FAT3: variants seen among roughly 807,000 people sequenced by gnomAD.
The protein encoded by FAT3 is FAT atypical cadherin 3.
FAT3 carries 95 observed loss-of-function variants against 310.2 expected under a neutral mutation model. That is an observed-to-expected ratio of 0.31 (90% CI 0.26 to 0.36). The LOEUF is 0.36. FAT3 is among the 10% of genes least tolerant of loss of function. The probability of loss-of-function intolerance (pLI) is 1.00; values close to 1 mark genes in which losing one functional copy is unlikely to be tolerated. For synonymous variants in FAT3, 2,314 were observed against 2,192.9 expected (o/e 1.06, Z -1.54); for missense variants, 5,408 against 5,715.6 (o/e 0.95, Z 1.74).
chr11:92,438,043 A>G (rs1440773456), intron 2 of FAT3, among the ~76,000 whole-genome samples: 1 of 152,214 alleles, frequency 6.6e-6, no homozygotes, highest in East Asian at 1.9e-4. Context: ...GAAAACTTGA[A>G]AATGTGCCTG....
intron 13 of FAT3, among the ~76,000 whole-genome samples, chr11:92,818,413 A>T (rs1947878367): frequency 6.6e-6 from 1 of 152,194 alleles, no homozygotes; most frequent in Non-Finnish European, 1.5e-5. Context: ...CATCTGGAAG[A>T]AACTGGCTCT....
At chr11:92,531,816 A>G (rs775975617) in intron 3 of FAT3, among the ~76,000 whole-genome samples, 15 of 151,910 alleles carry the variant, frequency 9.9e-5, no homozygotes, top group Non-Finnish European at 2.1e-4. Flanking sequence ...GAGTTTCTCA[A>G]CCTCGATACT....
chr11:92,686,621 GT>G (rs538027826), intron 3 of FAT3, among the ~76,000 whole-genome samples: 1 of 151,990 alleles, frequency 6.6e-6, no homozygotes, highest in African/African-American at 2.4e-5. Flanking sequence ...AAATATGTGG[GT>G]TTTTTTAAAA....
intron 21 of FAT3, 37 bp downstream of exon 21, chr11:92,859,359 C>T (rs1300325111): frequency 6.6e-7 from 1 of 1,503,904 alleles, no homozygotes; most frequent in Non-Finnish European, 9.0e-7. Flanking sequence ...GCAGTCAGTT[C>T]TCATGTTAGT....
chr11:92,719,380 C>T (rs751394757), intron 4 of FAT3, among the ~76,000 whole-genome samples: 4 of 152,066 alleles, frequency 2.6e-5, no homozygotes, highest in Admixed American at 6.6e-5. Context: ...TATGTATAGT[C>T]GTCTCTCAAT....
At position 92,559,470 on chromosome 11, in the gene FAT3, G is replaced by A. The variant is rs60129296; in HGVS notation, c.3607+34522G>A. The A allele has an allele frequency of 3.8e-5, 14 of 371,966 alleles. No individual in the cohort carries two copies. The East Asian group carries it at 4.2e-4, about 11-fold the overall frequency. 23.0% of individuals were successfully genotyped at this position (371,966 alleles called of 1,614,324 possible). The stretch of plus-strand genomic sequence containing the variant: ...CATGATCATAGCTCACTGCAATCTC[G>A]AACTCCTGGATTCAAGGGATACCCC... On this transcript the variant is annotated intron_variant, in intron 3 of 27. Coordinates refer to ENST00000525166, the MANE Select transcript of FAT3 (RefSeq NM_001367949.2).
intron 7 of FAT3, among the ~76,000 whole-genome samples, chr11:92,787,645 A>T (rs1946928138): frequency 6.6e-6 from 1 of 150,982 alleles, no homozygotes; most frequent in African/African-American, 2.4e-5. Context: ...GCAATTATTT[A>T]TCCAACTAGG....
intron 6 of FAT3, among the ~76,000 whole-genome samples, chr11:92,768,442 T>C (rs190294196): frequency 1.3e-5 from 2 of 152,308 alleles, no homozygotes; most frequent in Admixed American, 6.5e-5. Flanking sequence ...TGGTCCACGT[T>C]CCACCAAATC....
At chr11:92,437,014 CA>C (rs1950954181) in intron 2 of FAT3, among the ~76,000 whole-genome samples, 1 of 152,162 alleles carries the variant, frequency 6.6e-6, no homozygotes, top group South Asian at 2.1e-4. Context: ...TTTATGCTGG[CA>C]TTCTCATCAA....
chr11:92,479,975 C>A (rs927870800), intron 2 of FAT3, among the ~76,000 whole-genome samples: 1 of 152,156 alleles, frequency 6.6e-6, no homozygotes, highest in African/African-American at 2.4e-5. Context: ...GCAATTAAAA[C>A]AGTGCCAAGG....
chr11:92,399,111 G>A (rs770442094), intron 2 of FAT3, among the ~76,000 whole-genome samples: 13 of 152,186 alleles, frequency 8.5e-5, no homozygotes, highest in Non-Finnish European at 1.6e-4. Flanking sequence ...TTCAGTGAAA[G>A]TGTGGGATTA....
chr11:92,741,928 A>C (rs988176408), intron 4 of FAT3, among the ~76,000 whole-genome samples: 1 of 152,248 alleles, frequency 6.6e-6, no homozygotes, highest in African/African-American at 2.4e-5. Flanking sequence ...CCAACTCAAA[A>C]TTAAAATAGC....
chr11:92,748,487 C>T (rs1230061487), intron 4 of FAT3, among the ~76,000 whole-genome samples: 1 of 152,116 alleles, frequency 6.6e-6, no homozygotes, highest in African/African-American at 2.4e-5. Flanking sequence ...TCCTTCCTTC[C>T]TTTCTTTCCT....
At chr11:92,665,795 G>A (rs1327416043) in intron 3 of FAT3, among the ~76,000 whole-genome samples, 1 of 152,116 alleles carries the variant, frequency 6.6e-6, no homozygotes, top group Non-Finnish European at 1.5e-5. Context: ...TGTAGCCATG[G>A]TGTTACAATG....
chr11:92,509,679 T>A (rs1303744021), intron 2 of FAT3, among the ~76,000 whole-genome samples: 1 of 152,124 alleles, frequency 6.6e-6, no homozygotes, highest in Non-Finnish European at 1.5e-5. Context: ...AGAACTAAAG[T>A]TATTAATGCG....
chr11:92,318,070 T>G (rs2134481399), intron 1 of FAT3, among the ~76,000 whole-genome samples: 1 of 152,270 alleles, frequency 6.6e-6, no homozygotes, highest in Admixed American at 6.5e-5. Flanking sequence ...CTTCGTAAAG[T>G]ATTTTGTAAA....
chr11:92,357,487 G>C (rs1948764652), intron 2 of FAT3, among the ~76,000 whole-genome samples: 2 of 152,074 alleles, frequency 1.3e-5, no homozygotes, highest in South Asian at 4.1e-4. Context: ...TGCAACCCTG[G>C]ACTTATTGAC....
intron 22 of FAT3, among the ~76,000 whole-genome samples, chr11:92,880,096 A>G (rs1949638957): frequency 1.3e-5 from 2 of 151,580 alleles, no homozygotes; most frequent in Non-Finnish European, 2.9e-5. Flanking sequence ...AGGATATTAT[A>G]TTACTACCAA....
intron 4 of FAT3, among the ~76,000 whole-genome samples, chr11:92,704,752 C>T (rs1944216380): frequency 6.6e-6 from 1 of 152,160 alleles, no homozygotes; most frequent in African/African-American, 2.4e-5. Flanking sequence ...AAATTTCTGT[C>T]ATTTCAGGCA....
Sources: gnomAD v4.1 joint callset for allele counts (sites outside exome capture counted in the v4.1 genomes callset) on GRCh38, gnomAD v4.1.1 for gene constraint, MANE v1.5 for transcripts, NCBI Gene and HGNC (gene_info 2026-07-23, HGNC 2026-07-21) for gene names.